SLC4A10: variants seen among roughly 807,000 people sequenced by gnomAD.
SLC4A10 encodes solute carrier family 4 member 10.
Under a neutral mutation model 137.7 loss-of-function variants are expected in SLC4A10, and 42 were observed. That is an observed-to-expected ratio of 0.30 (90% CI 0.24 to 0.39). The LOEUF is 0.39. Among genes scored for constraint, SLC4A10 ranks in the 10% least tolerant of loss-of-function variants. The pLI is 1.00. For synonymous variants in SLC4A10, 474 were observed against 464.1 expected, an observed-to-expected ratio of 1.02 and a Z score of -0.27; for missense variants, 925 against 1,355.0, an observed-to-expected ratio of 0.68 and a Z score of 4.98.
intron 4 of SLC4A10, among the ~76,000 whole-genome samples, chr2:161,852,204 C>T (rs1021658348): frequency 3.9e-5 from 6 of 152,154 alleles, no homozygotes; most frequent in African/African-American, 1.4e-4. Flanking sequence ...TAGAGAAAAA[C>T]CTGTATTTCC....
At chr2:161,895,283 G>A (rs1269177185) in intron 11 of SLC4A10, among the ~76,000 whole-genome samples, 2 of 152,038 alleles carry the variant, frequency 1.3e-5, no homozygotes, top group African/African-American at 2.4e-5. Flanking sequence ...TGGTGTATAT[G>A]TGCCCCATTT....
intron 1 of SLC4A10, among the ~76,000 whole-genome samples, chr2:161,644,341 A>G (rs1183164431): frequency 6.6e-6 from 1 of 152,024 alleles, no homozygotes; most frequent in African/African-American, 2.4e-5. Flanking sequence ...ACCAAAAGTT[A>G]AAAAATTAGC....
At chr2:161,858,262 T>C (rs376013830) in intron 5 of SLC4A10, among the ~76,000 whole-genome samples, 22 of 152,298 alleles carry the variant, frequency 1.4e-4, no homozygotes, top group African/African-American at 4.3e-4. Context: ...TCCTACTAGA[T>C]GAATATGACC....
At chr2:161,846,387 G>T (rs1400325720) in intron 4 of SLC4A10, among the ~76,000 whole-genome samples, 1 of 152,124 alleles carries the variant, frequency 6.6e-6, no homozygotes, top group Non-Finnish European at 1.5e-5. Context: ...ATGTAAAATG[G>T]TAGAGCCACT....
intron 1 of SLC4A10, among the ~76,000 whole-genome samples, chr2:161,655,337 T>G (rs968779557): frequency 6.6e-6 from 1 of 152,192 alleles, no homozygotes; most frequent in African/African-American, 2.4e-5. Context: ...TGTTTTTGAT[T>G]TGAATGTCTT....
chr2:161,697,348 G>C (rs1386248495), intron 1 of SLC4A10, among the ~76,000 whole-genome samples: 2 of 152,116 alleles, frequency 1.3e-5, no homozygotes, highest in East Asian at 3.8e-4. Flanking sequence ...TGTTGCCATT[G>C]CTTTTGGTGT....
chr2:161,888,269 A>G (rs1455286842), intron 10 of SLC4A10, among the ~76,000 whole-genome samples: 1 of 152,156 alleles, frequency 6.6e-6, no homozygotes, highest in Non-Finnish European at 1.5e-5. Context: ...TGTCATGGCC[A>G]TACAGGCTCT....
intron 3 of SLC4A10, among the ~76,000 whole-genome samples, chr2:161,814,370 G>A (rs546630712): frequency 6.6e-6 from 1 of 152,114 alleles, no homozygotes; most frequent in Non-Finnish European, 1.5e-5. Flanking sequence ...GCAGTTTGGA[G>A]ATTTCTCGAA....
At chr2:161,978,462 T>C (rs1014914663) in intron 26 of SLC4A10, among the ~76,000 whole-genome samples, 4 of 151,778 alleles carry the variant, frequency 2.6e-5, no homozygotes, top group Non-Finnish European at 4.4e-5. Context: ...GCCTCCATTA[T>C]GTACCACCAT....
rs1268071561 is a variant in SLC4A10 at position 161,984,835 on chromosome 2, A to G, written c.*1683A>G. ...ATAATACAGATACTACATTGTAAACATTTCCATTGTTTTATGATTTAGCCA... is the reference window on the plus strand; with the variant it reads ...ATAATACAGATACTACATTGTAAACGTTTCCATTGTTTTATGATTTAGCCA... On this transcript the variant is annotated 3_prime_UTR_variant, in exon 27 of 27. Transcript: ENST00000446997. 2 of 152,098 alleles carry G rather than the reference A, an allele frequency of 1.3e-5. No homozygotes were observed. The highest frequency in any genetic ancestry group is 2.9e-5 in the Non-Finnish European group (2 of 67,954). 9.4% of individuals were successfully genotyped at this position (152,098 alleles called of 1,614,324 possible). A position where few individuals can be genotyped will look rare whatever the true frequency, so the allele number is the denominator to read the frequency against.
intron 15 of SLC4A10, among the ~76,000 whole-genome samples, chr2:161,937,351 C>G (rs921284470): frequency 1.3e-5 from 2 of 152,132 alleles, no homozygotes; most frequent in African/African-American, 4.8e-5. Flanking sequence ...ACTCAGTCTG[C>G]ACAGTCTAGA....
chr2:161,707,442 T>C (rs1225878317), intron 1 of SLC4A10, among the ~76,000 whole-genome samples: 1 of 151,368 alleles, frequency 6.6e-6, no homozygotes, highest in African/African-American at 2.4e-5. Context: ...TGAATGTAGT[T>C]GAATTGACTA....
intron 1 of SLC4A10, among the ~76,000 whole-genome samples, chr2:161,759,133 G>T (rs907129846): frequency 1.9e-4 from 29 of 151,698 alleles, no homozygotes; most frequent in African/African-American, 6.5e-4. Flanking sequence ...TTTAACAAGG[G>T]TGTCTTGGTT....
rs1422527432 is a variant in SLC4A10, at chr2:161,660,661, C to CT, written c.48+36105dup. Among the ~76,000 whole-genome samples, 35 of 130,058 alleles carry CT rather than the reference C, an allele frequency of 2.7e-4. 1 individual carries two copies. Among genetic ancestry groups the CT allele is most frequent in the East Asian group, 2.5e-3 (12 of 4,844 alleles). 85.3% of individuals were successfully genotyped at this position (130,058 alleles called of 152,430 possible). On this transcript the variant is annotated intron_variant, in intron 1 of 26. Coordinates refer to ENST00000446997, the MANE Select transcript of SLC4A10 (RefSeq NM_001178015.2). Reference sequence around the variant, plus strand: ...CTTTCCTTCTTTCTTTCTTTCTTTCCTTTTTTTTTTGAGACAGCGTCTTGC... The same window carrying CT: ...CTTTCCTTCTTTCTTTCTTTCTTTCCTTTTTTTTTTTGAGACAGCGTCTTGC...
chr2:161,904,288 T>C lies in SLC4A10; in HGVS notation c.1617+110T>C. On this transcript the variant is annotated intron_variant, in intron 13 of 26. Coordinates refer to ENST00000446997, the MANE Select transcript of SLC4A10 (RefSeq NM_001178015.2). The stretch of plus-strand genomic sequence containing the variant: ...TTCTTTTCTGAGGAGAGATTTGAGA[T>C]ATGGTCTGGCAGATACACCTTATAT... 2 of 1,199,956 alleles carry C rather than the reference T, an allele frequency of 1.7e-6. 1 individual carries two copies. Among genetic ancestry groups the C allele is most frequent in the South Asian group, 3.2e-5 (2 of 62,422 alleles). The allele number at this position is 1,199,956 out of a possible 1,614,324, so 74.3% of individuals were successfully genotyped here. A position where few individuals can be genotyped will look rare whatever the true frequency, so the allele number is the denominator to read the frequency against.
At chr2:161,785,801 GCTA>G (rs1371043909) in intron 2 of SLC4A10, among the ~76,000 whole-genome samples, 4 of 151,832 alleles carry the variant, frequency 2.6e-5, no homozygotes, top group Non-Finnish European at 4.4e-5. Flanking sequence ...GTCTACTCTT[GCTA>G]CTTCCATTCA....
chr2:161,854,973 G>A lies in SLC4A10; in HGVS notation c.420G>A (p.Trp140Ter). ...EDAEWRETAR[W>*]LKFEEDVEDG... ...CTGATAATATTTGTTTGTATAGGTG[G>A]TTGAAGTTTGAAGAAGATGTGGAAG... The change falls in exon 5 of 27, where the codon TGG becomes TGA. Residue 140 changes from tryptophan (W) to a stop codon, truncating the protein, a stop_gained. Transcript: ENST00000446997. LOFTEE classifies it high-confidence loss of function. 6.2e-7 allele frequency: 1 copy of A among 1,612,164 alleles called. No homozygotes were observed. The highest frequency in any genetic ancestry group is 8.5e-7 in the Non-Finnish European group (1 of 1,179,008).
At position 161,906,343 on chromosome 2, in the gene SLC4A10, G is replaced by A. The variant is rs566059326; in HGVS notation, c.1997+456G>A. Among the ~76,000 whole-genome samples the A allele has an allele frequency of 2.6e-5, 4 of 152,220 alleles. No individual in the cohort carries two copies. In the East Asian group the frequency reaches 5.8e-4, roughly 22 times the overall value. ...AATCTTAGTAGATGTTTGAAAGTGT[G>A]GTAAAAACATAAATCACTGAATGAA... is the stretch of plus-strand genomic sequence containing the variant. On this transcript the variant is annotated intron_variant, in intron 15 of 26. Coordinates refer to ENST00000446997, the MANE Select transcript of SLC4A10 (RefSeq NM_001178015.2).
chr2:161,838,479 T>A (rs1575211709), intron 3 of SLC4A10, among the ~76,000 whole-genome samples: 2 of 151,988 alleles, frequency 1.3e-5, no homozygotes, highest in Admixed American at 1.3e-4. Context: ...AAATCAGAAT[T>A]TATCAAAATT....
Sources: gnomAD v4.1 joint callset for allele counts (sites outside exome capture counted in the v4.1 genomes callset) on GRCh38, gnomAD v4.1.1 for gene constraint, MANE v1.5 for transcripts, NCBI Gene and HGNC (gene_info 2026-07-23, HGNC 2026-07-21) for gene names.